TLN2: variants seen among roughly 807,000 people sequenced by gnomAD.
TLN2 encodes talin 2, also known as talin-2.
A neutral mutation model predicts 294.7 loss-of-function variants in TLN2; 118 were observed. That is an observed-to-expected ratio of 0.40 (90% CI 0.34 to 0.47). The LOEUF (loss-of-function observed/expected upper bound fraction) is 0.47, where lower values mean the gene tolerates loss of function less well. TLN2 is among the 20% of genes least tolerant of loss of function. TLN2 has a pLI of 0.84. For synonymous variants in TLN2, 1,431 were observed against 1,304.5 expected (o/e 1.10, Z -2.09); for missense variants, 3,083 against 3,282.2 (o/e 0.94, Z 1.48).
chr15:62,653,374 C>T, intron 7 of TLN2, 60 bp downstream of exon 7: 1 of 1,536,386 alleles, frequency 6.5e-7, no homozygotes, highest in Non-Finnish European at 8.7e-7. Flanking sequence ...CCTCACTTCC[C>T]TCCCACCATC....
intron 1 of TLN2, among the ~76,000 whole-genome samples, chr15:62,545,090 C>G (rs2041915890): frequency 6.7e-6 from 1 of 148,428 alleles, no homozygotes; most frequent in South Asian, 2.1e-4. Context: ...CCACCACACC[C>G]AGCTGATTTT....
chr15:62,694,144 A>T (rs942002601), intron 13 of TLN2, among the ~76,000 whole-genome samples, 172 bp from the exon 14 acceptor site: 3 of 151,348 alleles, frequency 2.0e-5, no homozygotes, highest in Non-Finnish European at 4.4e-5. Context: ...ATTTATGTAT[A>T]TATATATTTT....
intron 3 of TLN2, among the ~76,000 whole-genome samples, chr15:62,633,085 A>G (rs185686643): frequency 1.8e-3 from 276 of 152,312 alleles, no homozygotes; most frequent in African/African-American, 6.3e-3. Context: ...ATCATATCCT[A>G]TTCTCACAGA....
At chr15:62,769,688 C>A (rs8033211) in intron 41 of TLN2, among the ~76,000 whole-genome samples, 5 of 151,782 alleles carry the variant, frequency 3.3e-5, no homozygotes, top group South Asian at 2.1e-4. Flanking sequence ...CCTGCTGGCC[C>A]AGTGACTGCT....
At chr15:62,676,221 C>G (rs927899394) in intron 11 of TLN2, among the ~76,000 whole-genome samples, 1 of 152,152 alleles carries the variant, frequency 6.6e-6, no homozygotes, top group Non-Finnish European at 1.5e-5. Context: ...TTTCTTGACC[C>G]CACTCCTCAT....
At chr15:62,652,546 C>G (rs984569339) in intron 6 of TLN2, among the ~76,000 whole-genome samples, 9 of 152,170 alleles carry the variant, frequency 5.9e-5, no homozygotes, top group Non-Finnish European at 1.3e-4. Flanking sequence ...AAGTCTGCCT[C>G]CTTTCTAATG....
intron 1 of TLN2, among the ~76,000 whole-genome samples, chr15:62,531,440 G>T (rs2041037058): frequency 6.6e-6 from 1 of 152,182 alleles, no homozygotes; most frequent in African/African-American, 2.4e-5. Context: ...GGGTACGAAG[G>T]CTCAATTAGA....
chr15:62,754,498 C>T (rs2062114134), intron 36 of TLN2: 1 of 152,226 alleles, frequency 6.6e-6, no homozygotes, highest in South Asian at 2.1e-4. Context: ...CATAACACCT[C>T]TCATACCTGA....
At chr15:62,582,446 C>T (rs1025702073) in intron 1 of TLN2, among the ~76,000 whole-genome samples, 6 of 152,010 alleles carry the variant, frequency 3.9e-5, no homozygotes, top group South Asian at 2.1e-4. Flanking sequence ...CAGTCTGTGG[C>T]GAAATACAGA....
At chr15:62,646,039 G>A (rs756930810) in intron 3 of TLN2, among the ~76,000 whole-genome samples, 26 of 152,134 alleles carry the variant, frequency 1.7e-4, no homozygotes, top group Non-Finnish European at 3.2e-4. Flanking sequence ...TACACCGTGA[G>A]CCACCAACTC....
intron 1 of TLN2, among the ~76,000 whole-genome samples, chr15:62,555,930 T>C (rs1294810683): frequency 2.0e-5 from 2 of 101,844 alleles, no homozygotes; most frequent in African/African-American, 7.8e-5. Flanking sequence ...TCTTATTTTT[T>C]AAACTTTTTT....
chr15:62,475,816 G>T (rs1476835106), intron 1 of TLN2, among the ~76,000 whole-genome samples: 1 of 152,178 alleles, frequency 6.6e-6, no homozygotes, highest in African/African-American at 2.4e-5. Context: ...GGAACTGCAG[G>T]CTGCTTTGTC....
At chr15:62,576,861 T>C (rs1255596495) in intron 1 of TLN2, among the ~76,000 whole-genome samples, 1 of 152,134 alleles carries the variant, frequency 6.6e-6, no homozygotes, top group Admixed American at 6.5e-5. Flanking sequence ...AGAAAGTCCT[T>C]GCTGTCCCGT....
At chr15:62,426,435 T>C (rs2034712374) in intron 1 of TLN2, among the ~76,000 whole-genome samples, 1 of 152,206 alleles carries the variant, frequency 6.6e-6, no homozygotes. Flanking sequence ...GCCTTGGTTC[T>C]GACTGGGAGG....
chr15:62,630,702 C>CT (rs570438426), intron 3 of TLN2, among the ~76,000 whole-genome samples: 62 of 146,784 alleles, frequency 4.2e-4, no homozygotes, highest in East Asian at 1.4e-3. Context: ...CCACCGTTAC[C>CT]TTTTTTTTTT....
chr15:62,454,438 G>A (rs1392663532), intron 1 of TLN2, among the ~76,000 whole-genome samples: 1 of 152,130 alleles, frequency 6.6e-6, no homozygotes, highest in Non-Finnish European at 1.5e-5. Flanking sequence ...TGGATGAATG[G>A]GACCTGAGAG....
At chr15:62,517,582 G>T (rs2040246074) in intron 1 of TLN2, among the ~76,000 whole-genome samples, 1 of 151,998 alleles carries the variant, frequency 6.6e-6, no homozygotes, top group Non-Finnish European at 1.5e-5. Context: ...TTTTAATTTT[G>T]TACCCCTTTT....
rs117841371 is a variant in TLN2 at position 62,629,356 on chromosome 15, G to A, written c.-37+10881G>A. The stretch of plus-strand genomic sequence containing the variant: ...CAGTACATGGTGATATCATTTCTCT[G>A]TGAGATAGTGCTTCCATGTCAGCCA... On this transcript the variant is annotated intron_variant, in intron 3 of 58. Coordinates refer to ENST00000636159, the MANE Select transcript of TLN2 (RefSeq NM_015059.3). Among the ~76,000 whole-genome samples the A allele has an allele frequency of 6.4e-3, 971 of 152,292 alleles. 9 individuals carry two copies. The highest frequency in any genetic ancestry group is 0.01 in the Middle Eastern group (3 of 294).
intron 28 of TLN2, among the ~76,000 whole-genome samples, chr15:62,729,478 C>T (rs1211043403): frequency 2.6e-5 from 4 of 152,150 alleles, no homozygotes; most frequent in Non-Finnish European, 5.9e-5. Flanking sequence ...ATCATTGAGT[C>T]TTCTAATATG....
Sources: gnomAD v4.1 joint callset for allele counts (sites outside exome capture counted in the v4.1 genomes callset) on GRCh38, gnomAD v4.1.1 for gene constraint, MANE v1.5 for transcripts, NCBI Gene and HGNC (gene_info 2026-07-23, HGNC 2026-07-21) for gene names.